The following GRIK2 variants were observed in gnomAD, a reference collection of about 807,000 sequenced individuals.
The protein encoded by GRIK2 is glutamate ionotropic receptor kainate type subunit 2, also known as glutamate receptor ionotropic, kainate 2.
Under a neutral mutation model 100.3 loss-of-function variants are expected in GRIK2, and 32 were observed. The observed-to-expected ratio is 0.32, with a 90% confidence interval of 0.24 to 0.43. The LOEUF is 0.43. GRIK2 is among the 20% of genes least tolerant of loss of function. The pLI, the probability that GRIK2 is intolerant of heterozygous loss-of-function variation, is 1.00. For synonymous variants in GRIK2, 417 were observed against 389.4 expected (o/e 1.07, Z -0.83); for missense variants, 843 against 1,114.9 (o/e 0.76, Z 3.47).
At chr6:101,621,802 CTCTCTCTCTT>C in intron 2 of GRIK2, 137 bp from the exon 3 acceptor site, 6 of 635,344 alleles carry the variant, frequency 9.4e-6, no homozygotes, top group Non-Finnish European at 1.4e-5. Context: ...CTCTCCCTCT[CTCTCTCTCTT>C]TCTCTCTCTC....
chr6:101,890,375 A>G lies in GRIK2; in HGVS notation c.1748+512A>G, dbSNP rs1266961583. 3 of 152,362 alleles carry G rather than the reference A, an allele frequency of 2.0e-5. No individual in the cohort carries two copies. The East Asian group carries it at 5.8e-4, about 29-fold the overall frequency. The allele number at this position is 152,362 out of a possible 1,614,324, so 9.4% of individuals were successfully genotyped here. On this transcript the variant is annotated intron_variant, in intron 12 of 16. Coordinates refer to ENST00000369134, the MANE Select transcript of GRIK2 (RefSeq NM_021956.5). ...CTTGTTTTTTCACAGAATAAATGTC[A>G]TTACCAAAAGTACTTTATTGTCATT...
chr6:101,736,094 C>T (rs1775614349), intron 7 of GRIK2, among the ~76,000 whole-genome samples: 1 of 152,188 alleles, frequency 6.6e-6, no homozygotes, highest in Non-Finnish European at 1.5e-5. Flanking sequence ...TGTCTCACAT[C>T]CAGGTCATGT....
At chr6:102,001,467 T>G (rs765607932) in intron 14 of GRIK2, among the ~76,000 whole-genome samples, 1 of 152,044 alleles carries the variant, frequency 6.6e-6, no homozygotes, top group Non-Finnish European at 1.5e-5. Flanking sequence ...TTTGGTTTTC[T>G]GTTCCTCTCT....
intron 14 of GRIK2, among the ~76,000 whole-genome samples, chr6:101,961,784 C>T (rs1177289580): frequency 6.6e-6 from 1 of 152,088 alleles, no homozygotes; most frequent in African/African-American, 2.4e-5. Context: ...CACAGCTCCC[C>T]TTTATCCTGC....
At chr6:101,910,008 C>T (rs1468682902) in intron 12 of GRIK2, among the ~76,000 whole-genome samples, 1 of 18,404 alleles carries the variant, frequency 5.4e-5, no homozygotes, top group Non-Finnish European at 1.0e-4. Context: ...TGTATAAAAT[C>T]TCTAGTAATT....
chr6:101,830,355 C>A (rs1279337427), intron 10 of GRIK2, among the ~76,000 whole-genome samples: 1 of 151,916 alleles, frequency 6.6e-6, no homozygotes, highest in African/African-American at 2.4e-5. Context: ...TTTTTCTAGA[C>A]ATTGGCCAAA....
chr6:101,882,378 C>T (rs1786311992), intron 11 of GRIK2, among the ~76,000 whole-genome samples: 1 of 152,038 alleles, frequency 6.6e-6, no homozygotes. Context: ...CAATTAATAT[C>T]CTCCCCCAAA....
At chr6:101,908,017 C>G (rs1371485072) in intron 12 of GRIK2, among the ~76,000 whole-genome samples, 2 of 151,466 alleles carry the variant, frequency 1.3e-5, no homozygotes, top group East Asian at 3.9e-4. Flanking sequence ...CTGAATTTCC[C>G]CTTTCTTTCT....
intron 14 of GRIK2, among the ~76,000 whole-genome samples, chr6:101,932,109 C>T (rs1790326911): frequency 6.6e-6 from 1 of 151,892 alleles, no homozygotes; most frequent in Admixed American, 6.6e-5. Flanking sequence ...TGAAGTGAGT[C>T]ACATGTTTTA....
intron 11 of GRIK2, among the ~76,000 whole-genome samples, chr6:101,874,914 A>G (rs1785712585): frequency 6.6e-6 from 1 of 152,078 alleles, no homozygotes; most frequent in Non-Finnish European, 1.5e-5. Flanking sequence ...TTATTGGTGT[A>G]TAAGAATGCT....
intron 10 of GRIK2, among the ~76,000 whole-genome samples, chr6:101,831,782 T>C (rs989533333): frequency 6.6e-6 from 1 of 152,168 alleles, no homozygotes; most frequent in Admixed American, 6.6e-5. Flanking sequence ...TGATATGCAA[T>C]GAAAATACTA....
chr6:101,532,109 G>A lies in GRIK2; in HGVS notation c.116-89840G>A, dbSNP rs10046439. Among the ~76,000 whole-genome samples the A allele has an allele frequency of 2.9e-3, 440 of 151,872 alleles. 3 individuals carry two copies. Among genetic ancestry groups the A allele is most frequent in the African/African-American group, 0.01 (429 of 41,454 alleles). ...ATACTCTTTTCTGTGGTGGGGTGCC[G>A]TTTGTGTTTTGGTCTATCTATCTAA... On this transcript the variant is annotated intron_variant, in intron 2 of 16. Coordinates refer to ENST00000369134, the MANE Select transcript of GRIK2 (RefSeq NM_021956.5).
chr6:101,754,990 T>C (rs766117239), intron 7 of GRIK2, among the ~76,000 whole-genome samples: 23 of 152,100 alleles, frequency 1.5e-4, no homozygotes, highest in Non-Finnish European at 2.9e-4. Flanking sequence ...ATGTAGGCAC[T>C]CTTGAAGCCT....
intron 2 of GRIK2, among the ~76,000 whole-genome samples, chr6:101,433,263 A>G (rs1227026221): frequency 6.6e-6 from 1 of 152,190 alleles, no homozygotes; most frequent in African/African-American, 2.4e-5. Context: ...AATGCAAGTT[A>G]CCTCCATTTC....
intron 2 of GRIK2, among the ~76,000 whole-genome samples, chr6:101,425,001 A>G (rs1015300662): frequency 2.0e-5 from 3 of 151,880 alleles, no homozygotes; most frequent in African/African-American, 4.8e-5. Flanking sequence ...AGTCTTTGCT[A>G]TTGTGAATAG....
At chr6:101,610,774 T>C (rs543205390) in intron 2 of GRIK2, among the ~76,000 whole-genome samples, 1 of 151,946 alleles carries the variant, frequency 6.6e-6, no homozygotes, top group East Asian at 1.9e-4. Context: ...TTTCATTTGG[T>C]TGACCTATTT....
At chr6:101,484,759 G>C (rs1321157033) in intron 2 of GRIK2, among the ~76,000 whole-genome samples, 1 of 151,938 alleles carries the variant, frequency 6.6e-6, no homozygotes, top group African/African-American at 2.4e-5. Context: ...TTTTAACATA[G>C]AAAGCCTACT....
At chr6:101,434,314 G>A (rs1199702287) in intron 2 of GRIK2, among the ~76,000 whole-genome samples, 1 of 152,130 alleles carries the variant, frequency 6.6e-6, no homozygotes, top group Non-Finnish European at 1.5e-5. Flanking sequence ...CGTGGCCTGA[G>A]AGATGAGTTC....
Position 101,859,511 on chromosome 6 carries a change from T to C in GRIK2, c.1524+18T>C, listed in dbSNP as rs771668178. 1 of 1,417,806 alleles carries C rather than the reference T, an allele frequency of 7.1e-7. No homozygotes were observed. The highest frequency in any genetic ancestry group is 1.1e-5 in the South Asian group (1 of 87,092). 87.8% of individuals were successfully genotyped at this position (1,417,806 alleles called of 1,614,324 possible). ...TTGATCATGTAAGTCCCTTCCCTCATGATTTATTAGTTTGTTATGTTGCTA... is the reference window on the plus strand; with the variant it reads ...TTGATCATGTAAGTCCCTTCCCTCACGATTTATTAGTTTGTTATGTTGCTA... On this transcript the variant is annotated intron_variant, in intron 11 of 16. Coordinates refer to ENST00000369134, the MANE Select transcript of GRIK2 (RefSeq NM_021956.5).
Sources: allele counts gnomAD v4.1 joint callset (sites outside exome capture counted in the v4.1 genomes callset), GRCh38; gene constraint gnomAD v4.1.1; transcripts MANE v1.5; gene names NCBI Gene and HGNC (gene_info 2026-07-23, HGNC 2026-07-21).